Variants in SLC22A23 observed in about 807,000 individuals in gnomAD.
SLC22A23 encodes the protein ion transporter protein.
In SLC22A23, 26 loss-of-function variants were observed where a neutral mutation model predicts 61.0. The observed-to-expected ratio is 0.43, with a 90% confidence interval of 0.31 to 0.59. The LOEUF is 0.59. SLC22A23 is among the 20% of genes least tolerant of loss of function. The pLI is 0.11. For missense variants in SLC22A23, 796 were observed against 934.7 expected, an observed-to-expected ratio of 0.85 and a Z score of 1.94; for synonymous variants, 430 against 413.9, an observed-to-expected ratio of 1.04 and a Z score of -0.47.
intron 3 of SLC22A23, among the ~76,000 whole-genome samples, chr6:3,347,287 C>T (rs1055630915): frequency 1.3e-5 from 2 of 152,142 alleles, no homozygotes; most frequent in East Asian, 3.8e-4. Flanking sequence ...CCAACTGGAC[C>T]CTAGCGTTCT....
chr6:3,433,209 C>T (rs1770986175), intron 1 of SLC22A23, among the ~76,000 whole-genome samples: 1 of 152,222 alleles, frequency 6.6e-6, no homozygotes, highest in African/African-American at 2.4e-5. Context: ...GAGGAAACTC[C>T]TCAGAACAGC....
intron 3 of SLC22A23, among the ~76,000 whole-genome samples, chr6:3,359,245 C>G (rs1332298251): frequency 6.6e-6 from 1 of 151,888 alleles, no homozygotes; most frequent in East Asian, 1.9e-4. Flanking sequence ...GAATGAGCAT[C>G]TCACTGGGAA....
chr6:3,431,082 A>AGAAAG (rs1554159826), intron 1 of SLC22A23, among the ~76,000 whole-genome samples: 1 of 138,070 alleles, frequency 7.2e-6, no homozygotes, highest in East Asian at 2.1e-4. Flanking sequence ...AAAAAAAAAA[A>AGAAAG]AAAGAAAGAA....
chr6:3,279,255 G>A (rs1300862630), intron 9 of SLC22A23, among the ~76,000 whole-genome samples: 1 of 151,814 alleles, frequency 6.6e-6, no homozygotes, highest in Non-Finnish European at 1.5e-5. Flanking sequence ...TCATGTGCCT[G>A]TAATCCCAGC....
intron 1 of SLC22A23, among the ~76,000 whole-genome samples, chr6:3,445,185 G>C (rs1341880565): frequency 6.6e-6 from 1 of 152,098 alleles, no homozygotes; most frequent in East Asian, 1.9e-4. Flanking sequence ...AGCCAGGCCT[G>C]CCACTCTTGC....
chr6:3,332,253 T>G (rs547852966), intron 3 of SLC22A23, among the ~76,000 whole-genome samples: 5 of 152,220 alleles, frequency 3.3e-5, no homozygotes, highest in Non-Finnish European at 7.3e-5. Context: ...GTCATTATTT[T>G]ATGAGCTTGG....
At chr6:3,334,670 T>C (rs1441947805) in intron 3 of SLC22A23, among the ~76,000 whole-genome samples, 1 of 152,208 alleles carries the variant, frequency 6.6e-6, no homozygotes, top group Non-Finnish European at 1.5e-5. Context: ...GCTAGGCAGA[T>C]AAGGAACGTG....
At chr6:3,453,269 G>A (rs1464537308) in intron 1 of SLC22A23, among the ~76,000 whole-genome samples, 1 of 152,094 alleles carries the variant, frequency 6.6e-6, no homozygotes, top group Non-Finnish European at 1.5e-5. Context: ...TTATTCTGAG[G>A]AGCAAGTGGC....
At chr6:3,450,652 C>T (rs186770042) in intron 1 of SLC22A23, among the ~76,000 whole-genome samples, 6 of 152,254 alleles carry the variant, frequency 3.9e-5, no homozygotes, top group Admixed American at 3.9e-4. Flanking sequence ...AATAAATCAG[C>T]AAAAATATCA....
In SLC22A23 at chr6:3,360,173, T is replaced by C. The variant is rs1458694719; in HGVS notation, c.914-36171A>G. ...GGGAAGATGAAAAGACCTCTAGAGATGAAGGGTGGTGATGGCTGTGTAAAA... is the reference window on the plus strand; with the variant it reads ...GGGAAGATGAAAAGACCTCTAGAGACGAAGGGTGGTGATGGCTGTGTAAAA... On this transcript the variant is annotated intron_variant, in intron 3 of 9. Coordinates refer to ENST00000406686, the MANE Select transcript of SLC22A23 (RefSeq NM_015482.2). The surrounding 1 kb of genome is among the most constrained non-coding windows in gnomAD (Gnocchi z 4.6). Among the ~76,000 whole-genome samples the C allele has an allele frequency of 5.9e-5, 9 of 152,140 alleles. No homozygotes were observed. Among genetic ancestry groups the C allele is most frequent in the Admixed American group, 5.2e-4 (8 of 15,276 alleles).
chr6:3,401,178 C>T (rs1160935372), intron 3 of SLC22A23, among the ~76,000 whole-genome samples: 3 of 152,184 alleles, frequency 2.0e-5, no homozygotes, highest in African/African-American at 4.8e-5. Flanking sequence ...CCCGTCTCTA[C>T]TAAAAATACA....
intron 3 of SLC22A23, among the ~76,000 whole-genome samples, chr6:3,353,237 T>C (rs1337193753): frequency 6.6e-6 from 1 of 152,180 alleles, no homozygotes; most frequent in Non-Finnish European, 1.5e-5. Flanking sequence ...TGTGGGCCTT[T>C]ACCTGGCTGC....
intron 3 of SLC22A23, among the ~76,000 whole-genome samples, chr6:3,349,382 C>T (rs959200644): frequency 6.6e-5 from 10 of 152,168 alleles, no homozygotes; most frequent in East Asian, 5.8e-4. Context: ...GAGGACTCTT[C>T]GGCCAAATTG....
At position 3,308,715 on chromosome 6, in the gene SLC22A23, T is replaced by C. The variant is rs113573632; in HGVS notation, c.1083-10497A>G. On this transcript the variant is annotated intron_variant, in intron 4 of 9. Transcript: ENST00000406686. The surrounding 1 kb of genome is among the most constrained non-coding windows in gnomAD (Gnocchi z 5.1). Reference sequence around the variant, plus strand: ...ATCCCAGTACTTTGGGAGGTCGAGGTGGGTGGATCATGAGGTAAGGAGTTC... The same window carrying C: ...ATCCCAGTACTTTGGGAGGTCGAGGCGGGTGGATCATGAGGTAAGGAGTTC... Among the ~76,000 whole-genome samples, 2,226 of 151,998 alleles carry C rather than the reference T, an allele frequency of 0.015. 49 individuals are homozygous for C. The highest frequency in any genetic ancestry group is 0.051 in the African/African-American group (2,113 of 41,450).
rs182859573 is a variant in SLC22A23 at position 3,359,970 on chromosome 6, G to A, written c.914-35968C>T. Among the ~76,000 whole-genome samples the A allele has an allele frequency of 5.6e-3, 853 of 152,216 alleles. 7 individuals are homozygous for A. The highest frequency in any genetic ancestry group is 4.3e-3 in the Admixed American group (66 of 15,280). On this transcript the variant is annotated intron_variant, in intron 3 of 9. Coordinates refer to ENST00000406686, the MANE Select transcript of SLC22A23 (RefSeq NM_015482.2). ...TTGTCCTTAGAGGTCCTTGTTCTGA[G>A]GGAATCCTGAAGACATTATGCTAAG... is the stretch of plus-strand genomic sequence containing the variant.
chr6:3,363,724 T>C (rs2127453171), intron 3 of SLC22A23, among the ~76,000 whole-genome samples: 1 of 152,314 alleles, frequency 6.6e-6, no homozygotes, highest in South Asian at 2.1e-4. Context: ...CGCTGCCACG[T>C]TCTGGAGAGA....
intron 3 of SLC22A23, among the ~76,000 whole-genome samples, chr6:3,379,454 A>G (rs890052278): frequency 2.0e-5 from 3 of 152,170 alleles, no homozygotes; most frequent in African/African-American, 7.2e-5. Flanking sequence ...TCACAGAACT[A>G]TCGAACACCA....
At chr6:3,379,871 T>A (rs1268214655) in intron 3 of SLC22A23, among the ~76,000 whole-genome samples, 1 of 152,158 alleles carries the variant, frequency 6.6e-6, no homozygotes, top group African/African-American at 2.4e-5. Context: ...TTATTAGGGA[T>A]GATAAATATT....
At chr6:3,413,888 G>A (rs1339352733) in intron 2 of SLC22A23, among the ~76,000 whole-genome samples, 1 of 152,180 alleles carries the variant, frequency 6.6e-6, no homozygotes, top group African/African-American at 2.4e-5. Flanking sequence ...TACCACTCAG[G>A]CAGCCTGCCC....
Sources: gnomAD v4.1 joint callset for allele counts (sites outside exome capture counted in the v4.1 genomes callset) on GRCh38, gnomAD v4.1.1 for gene constraint, Gnocchi (gnomAD v3.1) non-coding constraint, MANE v1.5 for transcripts, NCBI Gene and HGNC (gene_info 2026-07-23, HGNC 2026-07-21) for gene names.